The following CSMD1 variants were observed in gnomAD, a reference collection of about 807,000 sequenced individuals.
The protein encoded by CSMD1 is CUB and Sushi multiple domains 1.
A neutral mutation model predicts 417.5 loss-of-function variants in CSMD1; 213 were observed. The ratio of observed to expected loss-of-function variants is 0.51; its 90% CI spans 0.46 to 0.57. The LOEUF (loss-of-function observed/expected upper bound fraction) is 0.57, where lower values mean the gene tolerates loss of function less well. Among genes scored for constraint, CSMD1 ranks in the 20% least tolerant of loss-of-function variants. CSMD1 has a pLI of 0.00. For missense variants in CSMD1, 6,923 were observed against 4,529.7 expected, an observed-to-expected ratio of 1.53 and a Z score of -15.17; for synonymous variants, 2,862 against 1,736.8, an observed-to-expected ratio of 1.65 and a Z score of -16.11.
intron 1 of CSMD1, among the ~76,000 whole-genome samples, chr8:4,813,110 A>G (rs975107029): frequency 6.6e-6 from 1 of 152,224 alleles, no homozygotes; most frequent in African/African-American, 2.4e-5. Flanking sequence ...GAGAAAAACT[A>G]TTTCTAAAAA....
At chr8:4,981,989 G>C (rs1810915602) in intron 1 of CSMD1, among the ~76,000 whole-genome samples, 1 of 152,110 alleles carries the variant, frequency 6.6e-6, no homozygotes, top group Non-Finnish European at 1.5e-5. Flanking sequence ...GGTAAACTCT[G>C]GCCAAAAGCC....
At chr8:4,681,230 A>G (rs540675459) in intron 1 of CSMD1, among the ~76,000 whole-genome samples, 2 of 152,260 alleles carry the variant, frequency 1.3e-5, no homozygotes, top group South Asian at 4.1e-4. Flanking sequence ...TCATTTGAAA[A>G]TAAGACCCTA....
intron 1 of CSMD1, among the ~76,000 whole-genome samples, chr8:4,750,310 C>T (rs1325187920): frequency 6.6e-6 from 1 of 152,116 alleles, no homozygotes; most frequent in Non-Finnish European, 1.5e-5. Flanking sequence ...CCGGCCCTGA[C>T]TTTTACTTTT....
intron 50 of CSMD1, among the ~76,000 whole-genome samples, chr8:3,031,833 T>G (rs1260110633): frequency 6.6e-6 from 1 of 150,884 alleles, no homozygotes; most frequent in South Asian, 2.1e-4. Context: ...TGTAATTATC[T>G]TAGGCTAGTT....
At chr8:4,288,315 C>T (rs1388825990) in intron 3 of CSMD1, among the ~76,000 whole-genome samples, 1 of 152,058 alleles carries the variant, frequency 6.6e-6, no homozygotes, top group Admixed American at 6.5e-5. Flanking sequence ...TTGGGGCCAC[C>T]CTGAAGGGCT....
chr8:3,413,013 G>A (rs1217080614), intron 12 of CSMD1, among the ~76,000 whole-genome samples: 4 of 152,164 alleles, frequency 2.6e-5, no homozygotes, highest in African/African-American at 9.7e-5. Flanking sequence ...GAATCCCCCA[G>A]TGTTTGCTGG....
chr8:3,884,323 T>C (rs745580855), intron 5 of CSMD1, among the ~76,000 whole-genome samples: 1 of 152,218 alleles, frequency 6.6e-6, no homozygotes, highest in South Asian at 2.1e-4. Context: ...ATGTGCAATA[T>C]ACAAACTTGC....
chr8:3,573,851 G>A (rs1022071992), intron 10 of CSMD1, among the ~76,000 whole-genome samples: 7 of 139,784 alleles, frequency 5.0e-5, no homozygotes, highest in Admixed American at 4.4e-4. Flanking sequence ...ACATAATTTA[G>A]TGAAATCCAT....
Position 3,023,102 on chromosome 8 carries a change from G to A in CSMD1, c.7856-4452C>T, listed in dbSNP as rs544743301. Among the ~76,000 whole-genome samples the A allele has an allele frequency of 9.8e-5, 15 of 152,342 alleles. No individual in the cohort carries two copies. The East Asian group carries it at 1.5e-3, about 16-fold the overall frequency. Reference sequence around the variant, plus strand: ...AATGGAACGAAATGACAATGACTACGCTGTGGTTTCCTCGGATATAGACGA... The same window carrying A: ...AATGGAACGAAATGACAATGACTACACTGTGGTTTCCTCGGATATAGACGA... On this transcript the variant is annotated intron_variant, in intron 51 of 69. Transcript: ENST00000635120.
intron 8 of CSMD1, among the ~76,000 whole-genome samples, chr8:3,609,122 C>T (rs188677034): frequency 6.6e-6 from 1 of 152,328 alleles, no homozygotes; most frequent in East Asian, 1.9e-4. Flanking sequence ...AGCTCTGACT[C>T]TGACAAGATA....
chr8:3,661,546 C>G (rs62474685), intron 7 of CSMD1, among the ~76,000 whole-genome samples: 74,732 of 151,464 alleles, frequency 0.49, 19,607 homozygotes, highest in East Asian at 0.93. Context: ...ACCCAGGCTG[C>G]AGTGCGGTGG....
intron 1 of CSMD1, among the ~76,000 whole-genome samples, chr8:4,923,215 A>G (rs1176812619): frequency 6.6e-6 from 1 of 152,242 alleles, no homozygotes; most frequent in Non-Finnish European, 1.5e-5. Context: ...ACATAATAGT[A>G]GACACAAGTG....
chr8:4,153,785 C>G (rs534340065), intron 3 of CSMD1, among the ~76,000 whole-genome samples: 2 of 152,314 alleles, frequency 1.3e-5, no homozygotes, highest in East Asian at 3.9e-4. Context: ...TCAGGGGAAA[C>G]ACAGTTTTTA....
At chr8:3,940,320 T>A (rs1300782935) in intron 5 of CSMD1, among the ~76,000 whole-genome samples, 1 of 152,072 alleles carries the variant, frequency 6.6e-6, no homozygotes, top group African/African-American at 2.4e-5. Context: ...CACTTAATAT[T>A]TTTCAAAATT....
chr8:3,653,428 C>A (rs1177540246), intron 7 of CSMD1, among the ~76,000 whole-genome samples: 1 of 152,122 alleles, frequency 6.6e-6, no homozygotes, highest in Non-Finnish European at 1.5e-5. Context: ...CCTGCCTCAG[C>A]CTCCCCAGTA....
At chr8:4,486,301 A>C (rs1801415837) in intron 2 of CSMD1, among the ~76,000 whole-genome samples, 1 of 148,166 alleles carries the variant, frequency 6.7e-6, no homozygotes, top group African/African-American at 2.5e-5. Flanking sequence ...ATAGGCACAT[A>C]GAGCTTTTAT....
chr8:4,002,608 C>T (rs918581241), intron 4 of CSMD1, among the ~76,000 whole-genome samples: 11 of 152,120 alleles, frequency 7.2e-5, no homozygotes, highest in African/African-American at 2.7e-4. Context: ...TCCAGTTTAG[C>T]TGCTAAAGAT....
At chr8:4,358,986 T>G (rs890759680) in intron 3 of CSMD1, among the ~76,000 whole-genome samples, 1 of 150,290 alleles carries the variant, frequency 6.7e-6, no homozygotes, top group African/African-American at 2.5e-5. Context: ...ACACACACAT[T>G]TAAGTTGACA....
intron 1 of CSMD1, among the ~76,000 whole-genome samples, chr8:4,991,949 AGTGAGAGCTAC>A (rs1024420326): frequency 6.6e-6 from 1 of 152,136 alleles, no homozygotes; most frequent in Non-Finnish European, 1.5e-5. Flanking sequence ...ACAATAGCGC[AGTGAGAGCTAC>A]GTCCGAGCGT....
Sources: gnomAD v4.1 joint callset for allele counts (sites outside exome capture counted in the v4.1 genomes callset) on GRCh38, gnomAD v4.1.1 for gene constraint, MANE v1.5 for transcripts, NCBI Gene and HGNC (gene_info 2026-07-23, HGNC 2026-07-21) for gene names.